Variants in GALNTL6 observed in about 807,000 individuals in gnomAD.
GALNTL6 encodes the protein polypeptide N-acetylgalactosaminyltransferase like 6.
A neutral mutation model predicts 73.7 loss-of-function variants in GALNTL6; 46 were observed. The ratio of observed to expected loss-of-function variants is 0.62; its 90% CI spans 0.49 to 0.80. The LOEUF (loss-of-function observed/expected upper bound fraction) is 0.80, where lower values mean the gene tolerates loss of function less well. GALNTL6 is among the 30% of genes least tolerant of loss of function. The probability of loss-of-function intolerance (pLI) is 0.00; values close to 1 mark genes in which losing one functional copy is unlikely to be tolerated. For synonymous variants in GALNTL6, 259 were observed against 263.7 expected, an observed-to-expected ratio of 0.98 and a Z score of 0.17; for missense variants, 604 against 755.0, an observed-to-expected ratio of 0.80 and a Z score of 2.34.
intron 2 of GALNTL6, among the ~76,000 whole-genome samples, chr4:172,027,040 C>T (rs1007550586): frequency 6.6e-6 from 1 of 151,960 alleles, no homozygotes. Context: ...CAGGTGCATG[C>T]CACCATGCCC....
intron 5 of GALNTL6, among the ~76,000 whole-genome samples, chr4:172,607,549 T>C (rs1288172935): frequency 6.6e-6 from 1 of 152,190 alleles, no homozygotes; most frequent in Non-Finnish European, 1.5e-5. Context: ...TGAATGGTGG[T>C]GCATTGAACA....
At chr4:172,085,963 C>G (rs1401834763) in intron 2 of GALNTL6, among the ~76,000 whole-genome samples, 3 of 152,102 alleles carry the variant, frequency 2.0e-5, no homozygotes, top group Admixed American at 2.0e-4. Context: ...ACTTTTAGAT[C>G]AATTTAATGG....
chr4:172,748,031 AC>A (rs1737208599), intron 5 of GALNTL6, among the ~76,000 whole-genome samples: 1 of 152,158 alleles, frequency 6.6e-6, no homozygotes, highest in African/African-American at 2.4e-5. Context: ...ACAACATGTA[AC>A]AAAACCAATT....
intron 5 of GALNTL6, among the ~76,000 whole-genome samples, chr4:172,392,105 C>T (rs958097924): frequency 1.7e-4 from 26 of 152,182 alleles, no homozygotes; most frequent in Non-Finnish European, 2.9e-5. Flanking sequence ...TCTCCTGCCT[C>T]AGCCTCCGGA....
chr4:173,007,835 C>T (rs1313836185), intron 10 of GALNTL6, among the ~76,000 whole-genome samples: 2 of 152,010 alleles, frequency 1.3e-5, no homozygotes, highest in African/African-American at 4.8e-5. Flanking sequence ...GACAAAAGGA[C>T]ATGTCTCTGC....
intron 5 of GALNTL6, among the ~76,000 whole-genome samples, chr4:172,617,174 G>A (rs1738772459): frequency 6.6e-6 from 1 of 151,594 alleles, no homozygotes; most frequent in African/African-American, 2.4e-5. Flanking sequence ...AGGCATTTTG[G>A]GTGTAGGATA....
intron 2 of GALNTL6, among the ~76,000 whole-genome samples, chr4:171,860,048 G>C (rs1000648314): frequency 6.6e-6 from 1 of 152,174 alleles, no homozygotes; most frequent in African/African-American, 2.4e-5. Context: ...TTCAGGATTT[G>C]AGTAATTCAG....
At chr4:172,361,952 A>G (rs890795747) in intron 5 of GALNTL6, among the ~76,000 whole-genome samples, 1 of 152,164 alleles carries the variant, frequency 6.6e-6, no homozygotes, top group Non-Finnish European at 1.5e-5. Flanking sequence ...TTGGCTTGGT[A>G]CAAAGTAAGC....
At chr4:172,339,567 ACT>A (rs1237501905) in intron 4 of GALNTL6, among the ~76,000 whole-genome samples, 1 of 151,956 alleles carries the variant, frequency 6.6e-6, no homozygotes, top group Non-Finnish European at 1.5e-5. Context: ...AGAGTGACTG[ACT>A]CTGTATGCTC....
chr4:172,392,705 A>G (rs2111305942), intron 5 of GALNTL6, among the ~76,000 whole-genome samples: 1 of 152,290 alleles, frequency 6.6e-6, no homozygotes, highest in East Asian at 1.9e-4. Flanking sequence ...ATAATATACT[A>G]AAAATTGTCC....
intron 2 of GALNTL6, among the ~76,000 whole-genome samples, chr4:172,038,637 C>T (rs1742002715): frequency 6.6e-6 from 1 of 152,166 alleles, no homozygotes; most frequent in Non-Finnish European, 1.5e-5. Flanking sequence ...AGCCCCATCA[C>T]TGTCTTCAAA....
chr4:172,767,369 C>G (rs1199886945), intron 5 of GALNTL6, among the ~76,000 whole-genome samples: 1 of 152,152 alleles, frequency 6.6e-6, no homozygotes, highest in East Asian at 1.9e-4. Context: ...AAAATGCAAG[C>G]CTTGAAGAAA....
At chr4:172,313,802 G>A (rs897168918) in intron 4 of GALNTL6, among the ~76,000 whole-genome samples, 3 of 152,048 alleles carry the variant, frequency 2.0e-5, no homozygotes, top group South Asian at 2.1e-4. Context: ...GAAAAAATAC[G>A]AAAACAAACA....
At position 172,577,131 on chromosome 4, in the gene GALNTL6, G is replaced by A. The variant is rs1169965663; in HGVS notation, c.553+228442G>A. Among the ~76,000 whole-genome samples, 6 of 152,084 alleles carry A rather than the reference G, an allele frequency of 3.9e-5. No homozygotes were observed. In the South Asian group the frequency reaches 1.0e-3, roughly 26 times the overall value. On this transcript the variant is annotated intron_variant, in intron 5 of 12. Coordinates refer to ENST00000506823, the MANE Select transcript of GALNTL6 (RefSeq NM_001034845.3). ...AGCCCATTCATACTGCTGGGCAGTCGGGATAAATGCATTCTCCTGGGTGAC... is the reference window on the plus strand; with the variant it reads ...AGCCCATTCATACTGCTGGGCAGTCAGGATAAATGCATTCTCCTGGGTGAC...
At chr4:172,596,419 T>C (rs1215501764) in intron 5 of GALNTL6, among the ~76,000 whole-genome samples, 1 of 140,976 alleles carries the variant, frequency 7.1e-6, no homozygotes, top group Non-Finnish European at 1.5e-5. Context: ...CGCTCCTGCC[T>C]GGGCAACAGA....
chr4:172,741,523 A>G (rs1736803551), intron 5 of GALNTL6, among the ~76,000 whole-genome samples: 1 of 152,136 alleles, frequency 6.6e-6, no homozygotes, highest in African/African-American at 2.4e-5. Flanking sequence ...CATATAATGT[A>G]CTTTACAGAG....
At chr4:172,410,646 G>T (rs17058405) in intron 5 of GALNTL6, among the ~76,000 whole-genome samples, 3,140 of 152,096 alleles carry the variant, frequency 0.021, 101 homozygotes, top group African/African-American at 0.071. Flanking sequence ...AACTATACTT[G>T]TTTGGTCTCT....
chr4:173,021,984 ACT>A (rs1273007060), intron 12 of GALNTL6, among the ~76,000 whole-genome samples: 1 of 150,678 alleles, frequency 6.6e-6, no homozygotes, highest in African/African-American at 2.4e-5. Flanking sequence ...ACAGGGCAAG[ACT>A]CTGTTAAGAA....
chr4:172,814,335 A>G (rs75431620), intron 7 of GALNTL6, among the ~76,000 whole-genome samples: 159 of 152,294 alleles, frequency 1.0e-3, no homozygotes, highest in African/African-American at 3.5e-3. Context: ...ATTAATTTCT[A>G]CCAAACGACA....
Sources: allele counts gnomAD v4.1 joint callset (sites outside exome capture counted in the v4.1 genomes callset), GRCh38; gene constraint gnomAD v4.1.1; transcripts MANE v1.5; gene names NCBI Gene and HGNC (gene_info 2026-07-23, HGNC 2026-07-21).